ATP8A1: variants seen among roughly 807,000 people sequenced by gnomAD.
ATP8A1 encodes the protein phospholipid-transporting ATPase IA.
In ATP8A1, 90 loss-of-function variants were observed where a neutral mutation model predicts 177.7. The ratio of observed to expected loss-of-function variants is 0.51; its 90% CI spans 0.43 to 0.60. The LOEUF is 0.60. ATP8A1 is among the 20% of genes least tolerant of loss of function. The pLI is 0.00. For synonymous variants in ATP8A1, 493 were observed against 485.9 expected, an observed-to-expected ratio of 1.01 and a Z score of -0.19; for missense variants, 1,072 against 1,392.8, an observed-to-expected ratio of 0.77 and a Z score of 3.67.
At chr4:42,560,489 C>A (rs538652647) in intron 15 of ATP8A1, among the ~76,000 whole-genome samples, 1 of 151,806 alleles carries the variant, frequency 6.6e-6, no homozygotes, top group African/African-American at 2.4e-5. Flanking sequence ...CATGCACACA[C>A]GAAAAAAGCA....
chr4:42,466,031 C>CAAAA (rs57949092), intron 25 of ATP8A1, among the ~76,000 whole-genome samples: 4,845 of 107,204 alleles, frequency 0.045, 390 homozygotes, highest in Non-Finnish European at 0.06. Context: ...GACTCCGTCT[C>CAAAA]AAAAAAAAAA....
At chr4:42,572,880 G>A (rs1732048771) in intron 14 of ATP8A1, among the ~76,000 whole-genome samples, 2 of 152,172 alleles carry the variant, frequency 1.3e-5, no homozygotes, top group East Asian at 3.9e-4. Flanking sequence ...CAGAACTCAT[G>A]GCTTCTGACT....
In ATP8A1 at chr4:42,476,294, T is replaced by C. The variant is rs542815526; in HGVS notation, c.2324+9202A>G. ...ATAAACTCCATATGTGTAAAAGACC[T>C]ACATGAAAAAACTAAAGCTGTAAAG... On this transcript the variant is annotated intron_variant, in intron 25 of 36. Transcript: ENST00000381668. Among the ~76,000 whole-genome samples, 290 of 152,198 alleles carry C rather than the reference T, an allele frequency of 1.9e-3. 1 individual carries two copies. Among genetic ancestry groups the C allele is most frequent in the African/African-American group, 6.7e-3 (279 of 41,528 alleles).
At chr4:42,483,622 G>A (rs1326363098) in intron 25 of ATP8A1, among the ~76,000 whole-genome samples, 2 of 152,100 alleles carry the variant, frequency 1.3e-5, no homozygotes, top group African/African-American at 4.8e-5. Flanking sequence ...ATTTCGGGAG[G>A]GAATTTCACA....
chr4:42,574,531 C>T (rs1289696662), intron 14 of ATP8A1, 88 bp downstream of exon 14: 7 of 1,038,928 alleles, frequency 6.7e-6, no homozygotes, highest in Admixed American at 4.9e-5. Flanking sequence ...AACCCCATAC[C>T]CTCCCCTAAT....
intron 5 of ATP8A1, among the ~76,000 whole-genome samples, chr4:42,609,194 C>A (rs1736125653): frequency 6.6e-6 from 1 of 152,156 alleles, no homozygotes; most frequent in Non-Finnish European, 1.5e-5. Flanking sequence ...GACCCCCTCA[C>A]CAGCAGTGTC....
intron 25 of ATP8A1, among the ~76,000 whole-genome samples, chr4:42,466,646 C>A (rs1719801454): frequency 6.6e-6 from 1 of 152,150 alleles, no homozygotes; most frequent in Non-Finnish European, 1.5e-5. Context: ...TTAATTTTTT[C>A]TTTGGATTTC....
chr4:42,505,485 A>G (rs1408715244), intron 23 of ATP8A1, among the ~76,000 whole-genome samples: 1 of 152,122 alleles, frequency 6.6e-6, no homozygotes, highest in African/African-American at 2.4e-5. Context: ...CCCAATTTCA[A>G]TATGTTCTGC....
At chr4:42,430,084 T>C (rs1038803118) in intron 33 of ATP8A1, among the ~76,000 whole-genome samples, 1 of 152,176 alleles carries the variant, frequency 6.6e-6, no homozygotes, top group African/African-American at 2.4e-5. Context: ...CTTAATGCCA[T>C]TGAATTTACA....
chr4:42,414,658 G>A lies in ATP8A1; in HGVS notation c.3366C>T (p.Tyr1122=), dbSNP rs1713019622. The part of the protein sequence containing the change: ...NVFKKNHVNL[Y]RSESLQQNLL... The stretch of plus-strand genomic sequence containing the variant: ...GATTTTGTTGCAAGGATTCAGAGCG[G>A]TACAAGTTCACGTGGTTCTTCTTAA... Residue 1122 remains tyrosine, a synonymous_variant, in exon 36 of 37, where the codon TAC becomes TAT. Coordinates refer to ENST00000381668, the MANE Select transcript of ATP8A1 (RefSeq NM_006095.2). 6.2e-7 allele frequency: 1 copy of A among 1,613,888 alleles called. No homozygotes were observed. Among genetic ancestry groups the A allele is most frequent in the Non-Finnish European group, 8.5e-7 (1 of 1,179,818 alleles).
chr4:42,594,374 C>G, intron 6 of ATP8A1: 1 of 1,479,406 alleles, frequency 6.8e-7, no homozygotes, highest in Non-Finnish European at 9.4e-7. Context: ...TGAAAGAAAA[C>G]TGGGAATTGG....
At chr4:42,493,234 C>T (rs532739225) in intron 24 of ATP8A1, among the ~76,000 whole-genome samples, 39 of 152,226 alleles carry the variant, frequency 2.6e-4, no homozygotes, top group Middle Eastern at 6.8e-3. Flanking sequence ...TTCCAAAGGT[C>T]GAAACATACC....
chr4:42,444,285 C>T (rs1716972149), intron 32 of ATP8A1, among the ~76,000 whole-genome samples: 1 of 152,122 alleles, frequency 6.6e-6, no homozygotes, highest in South Asian at 2.1e-4. Flanking sequence ...GACTTGTAAT[C>T]CGTAAGTTTA....
chr4:42,590,939 G>C, intron 6 of ATP8A1, 55 bp from the exon 7 acceptor site: 57 of 1,355,976 alleles, frequency 4.2e-5, no homozygotes, highest in Middle Eastern at 1.8e-4. Flanking sequence ...ATGAACAGAG[G>C]AAAAAAAACA....
At chr4:42,612,628 A>C (rs1736480910) in intron 5 of ATP8A1, among the ~76,000 whole-genome samples, 1 of 151,746 alleles carries the variant, frequency 6.6e-6, no homozygotes, top group African/African-American at 2.4e-5. Context: ...ATCATCAACC[A>C]AACCAGCTTA....
intron 5 of ATP8A1, among the ~76,000 whole-genome samples, chr4:42,607,643 T>G (rs977944746): frequency 1.2e-4 from 19 of 152,008 alleles, no homozygotes; most frequent in Non-Finnish European, 2.2e-4. Flanking sequence ...TTTTTTTTTT[T>G]TTTTAATGTA....
intron 21 of ATP8A1, among the ~76,000 whole-genome samples, chr4:42,524,344 C>T (rs1726457891): frequency 6.6e-6 from 1 of 151,610 alleles, no homozygotes; most frequent in South Asian, 2.1e-4. Context: ...ATAGAAAGTC[C>T]TGAGTTGAAA....
rs949076987 is a variant in ATP8A1 at position 42,456,660 on chromosome 4, A to G, written c.2620-1061T>C. Among the ~76,000 whole-genome samples, 4 of 152,192 alleles carry G rather than the reference A, an allele frequency of 2.6e-5. No individual in the cohort carries two copies. The East Asian group carries it at 5.8e-4, about 22-fold the overall frequency. ...GACCTGAAGTATAATTAAAAATCAAATATCAAATGGATCTGGGAGAGTACA... is the reference window on the plus strand; with the variant it reads ...GACCTGAAGTATAATTAAAAATCAAGTATCAAATGGATCTGGGAGAGTACA... On this transcript the variant is annotated intron_variant, in intron 27 of 36. Coordinates refer to ENST00000381668, the MANE Select transcript of ATP8A1 (RefSeq NM_006095.2).
chr4:42,625,788 A>C (rs1460358), intron 2 of ATP8A1, 75 bp from the exon 3 acceptor site: 758,893 of 767,642 alleles, frequency 0.99, 375,587 homozygotes, highest in East Asian at 1. Flanking sequence ...TCTGTTACTA[A>C]CATATAAAAA....
Sources: gnomAD v4.1 joint callset for allele counts (sites outside exome capture counted in the v4.1 genomes callset) on GRCh38, gnomAD v4.1.1 for gene constraint, MANE v1.5 for transcripts, NCBI Gene and HGNC (gene_info 2026-07-23, HGNC 2026-07-21) for gene names.